Variants in CHLSN observed in about 807,000 individuals in gnomAD.
The protein encoded by CHLSN is cholesin, also known as protein cholesin.
the CHLSN span, among the ~76,000 whole-genome samples, chr7:1,062,316 A>G: frequency 6.6e-6 from 1 of 152,206 alleles, no homozygotes; most frequent in Non-Finnish European, 1.5e-5. Context: ...AGCACACGAC[A>G]GAGGGAAAGC....
the CHLSN span, chr7:988,876 C>T: frequency 1.8e-6 from 2 of 1,122,554 alleles, no homozygotes; most frequent in Non-Finnish European, 1.3e-6. Flanking sequence ...GCCCTGGGTC[C>T]TCCCACCCTC....
At chr7:1,064,099 CACAT>C in the CHLSN span, among the ~76,000 whole-genome samples, 25,326 of 152,122 alleles carry the variant, frequency 0.17, 2,225 homozygotes, top group African/African-American at 0.18. Flanking sequence ...CATACACACA[CACAT>C]ACATGCGTGC....
At chr7:1,076,198 G>C in the CHLSN span, 2,879 of 152,716 alleles carry the variant, frequency 0.019, 101 homozygotes, top group East Asian at 0.17. Flanking sequence ...ATAAGCATCA[G>C]ACCTGCTAGA....
At chr7:1,110,628 G>A in the CHLSN span, among the ~76,000 whole-genome samples, 2,586 of 152,316 alleles carry the variant, frequency 0.017, 93 homozygotes, top group East Asian at 0.17. Context: ...CACGGGCCTC[G>A]CGGGGCCTGT....
At chr7:1,002,502 T>G in the CHLSN span, among the ~76,000 whole-genome samples, 1 of 55,856 alleles carries the variant, frequency 1.8e-5, no homozygotes, top group Non-Finnish European at 3.4e-5. Context: ...TGTGGGTGAG[T>G]GGAGTCCTGT....
the CHLSN span, among the ~76,000 whole-genome samples, chr7:998,486 G>A: frequency 8.2e-6 from 1 of 121,568 alleles, no homozygotes; most frequent in African/African-American, 3.0e-5. Context: ...TTTTTGAGCC[G>A]GTCTTGCTCT....
the CHLSN span, chr7:983,466 G>C: frequency 1.6e-5 from 21 of 1,299,944 alleles, no homozygotes; most frequent in Admixed American, 6.3e-5. Flanking sequence ...GCCCAGCCCG[G>C]TTTCCACTGC....
chr7:1,028,370 G>C, the CHLSN span: 57 of 989,166 alleles, frequency 5.8e-5, no homozygotes, highest in Non-Finnish European at 6.4e-5. Flanking sequence ...TCCACACTGC[G>C]CATGCCCGGC....
the CHLSN span, among the ~76,000 whole-genome samples, chr7:1,097,254 A>G: frequency 6.6e-6 from 1 of 152,158 alleles, no homozygotes; most frequent in Non-Finnish European, 1.5e-5. This position sits in a 1 kb window ranked among gnomAD's most constrained non-coding sequence, Gnocchi z 4.3. Flanking sequence ...GGACTCCGGG[A>G]GAAATGGCTG....
At chr7:1,104,547 T>C in the CHLSN span, among the ~76,000 whole-genome samples, 1 of 152,290 alleles carries the variant, frequency 6.6e-6, no homozygotes, top group South Asian at 2.1e-4. Context: ...TTCCTCCAGG[T>C]CAGCGCAACT....
the CHLSN span, among the ~76,000 whole-genome samples, chr7:1,084,071 A>C: frequency 6.6e-6 from 1 of 152,252 alleles, no homozygotes; most frequent in African/African-American, 2.4e-5. Flanking sequence ...GGATGTCCCT[A>C]AAGTCAGGAT....
chr7:1,028,382 G>C, the CHLSN span: 3 of 987,752 alleles, frequency 3.0e-6, no homozygotes, highest in Non-Finnish European at 3.6e-6. Context: ...ATGCCCGGCC[G>C]GCCCGGCGCG....
At chr7:1,075,768 A>G in the CHLSN span, among the ~76,000 whole-genome samples, 1 of 150,984 alleles carries the variant, frequency 6.6e-6, no homozygotes, top group East Asian at 2.0e-4. Flanking sequence ...GCCCGCCACC[A>G]CTCCCAGCTA....
the CHLSN span, among the ~76,000 whole-genome samples, chr7:1,030,614 G>A: frequency 3.3e-5 from 5 of 152,220 alleles, no homozygotes; most frequent in Admixed American, 3.3e-4. Context: ...CCTGCCCAGT[G>A]ACCCACCTGT....
the CHLSN span, among the ~76,000 whole-genome samples, chr7:1,029,765 T>G: frequency 6.6e-6 from 1 of 152,244 alleles, no homozygotes; most frequent in East Asian, 1.9e-4. Flanking sequence ...GGCACCCCAG[T>G]CCCCCGCTGA....
the CHLSN span, among the ~76,000 whole-genome samples, chr7:1,075,777 T>C: frequency 6.6e-6 from 1 of 151,828 alleles, no homozygotes; most frequent in Admixed American, 6.5e-5. Flanking sequence ...CACTCCCAGC[T>C]AATTTTTTGT....
At chr7:1,122,760 C>G in the CHLSN span, among the ~76,000 whole-genome samples, 3 of 152,176 alleles carry the variant, frequency 2.0e-5, no homozygotes, top group Non-Finnish European at 2.9e-5. Context: ...CCCAGCTCCC[C>G]GGGGAGGGCT....
At chr7:1,083,654 A>T in the CHLSN span, among the ~76,000 whole-genome samples, 1 of 151,768 alleles carries the variant, frequency 6.6e-6, no homozygotes, top group African/African-American at 2.4e-5. Flanking sequence ...AAACAAAAAA[A>T]AACACGAGAG....
chr7:1,127,631 A>G, the CHLSN span, among the ~76,000 whole-genome samples: 1 of 143,976 alleles, frequency 6.9e-6, no homozygotes, highest in Non-Finnish European at 1.5e-5. Context: ...TCACTCTGTC[A>G]CCCAGGCTGG....
Sources: gnomAD v4.1 joint callset for allele counts (sites outside exome capture counted in the v4.1 genomes callset) on GRCh38, gnomAD v4.1.1 for gene constraint, Gnocchi (gnomAD v3.1) non-coding constraint, MANE v1.5 for transcripts, NCBI Gene and HGNC (gene_info 2026-07-23, HGNC 2026-07-21) for gene names.